The following ELMO1 variants were observed in gnomAD, a reference collection of about 807,000 sequenced individuals.
ELMO1 encodes engulfment and cell motility 1.
A neutral mutation model predicts 98.9 loss-of-function variants in ELMO1; 26 were observed. That is an observed-to-expected ratio of 0.26 (90% confidence interval 0.19 to 0.36). The LOEUF (loss-of-function observed/expected upper bound fraction) is 0.36. Ranked by LOEUF, ELMO1 falls within the 10% of genes least tolerant of loss-of-function variation. The pLI is 1.00. For missense variants in ELMO1, 627 were observed against 935.2 expected (o/e 0.67, Z 4.30); for synonymous variants, 346 against 346.0 (o/e 1.00, Z 0.00).
At chr7:37,292,221 A>C (rs1214593790) in intron 4 of ELMO1, among the ~76,000 whole-genome samples, 11 of 104,422 alleles carry the variant, frequency 1.1e-4, no homozygotes, top group Admixed American at 8.7e-4. Context: ...AGGTGCCGGG[A>C]TTGCAGACGG....
chr7:36,941,070 A>C (rs1267457020), intron 16 of ELMO1, among the ~76,000 whole-genome samples: 1 of 152,204 alleles, frequency 6.6e-6, no homozygotes, highest in Non-Finnish European at 1.5e-5. Context: ...TGAAATTCCA[A>C]GTTTGTTTCC....
At position 37,133,242 on chromosome 7, in the gene ELMO1, TAAAAC is replaced by T; in HGVS notation, c.1087-13_1087-9del. The T allele has an allele frequency of 6.3e-7, 1 of 1,597,132 alleles. No individual in the cohort carries two copies. The highest frequency in any genetic ancestry group is 8.6e-7 in the Non-Finnish European group (1 of 1,169,236). On this transcript the variant is annotated splice_polypyrimidine_tract_variant and intron_variant, in intron 13 of 21. Coordinates refer to ENST00000310758, the MANE Select transcript of ELMO1 (RefSeq NM_014800.11). Reference sequence around the variant, plus strand: ...GGCAGGGTTGACATGATTCTGTGAGTAAAACAAAATCATGATAAGGTGAATTCTTC... The same window carrying T: ...GGCAGGGTTGACATGATTCTGTGAGTAAAATCATGATAAGGTGAATTCTTC...
At chr7:37,409,087 C>A (rs1362226893) in intron 1 of ELMO1, among the ~76,000 whole-genome samples, 2 of 145,536 alleles carry the variant, frequency 1.4e-5, no homozygotes, top group African/African-American at 2.5e-5. Context: ...ACAATATCAG[C>A]AGAAAGGTGA....
intron 19 of ELMO1, among the ~76,000 whole-genome samples, chr7:36,875,369 C>T (rs1308860320): frequency 6.6e-6 from 1 of 152,158 alleles, no homozygotes; most frequent in African/African-American, 2.4e-5. Context: ...CTTACTAGTA[C>T]ACACACACTC....
At chr7:37,063,931 C>T (rs1199239411) in intron 15 of ELMO1, among the ~76,000 whole-genome samples, 1 of 152,148 alleles carries the variant, frequency 6.6e-6, no homozygotes, top group East Asian at 1.9e-4. Flanking sequence ...ATGCAGATTC[C>T]ACGGTCCATT....
intron 15 of ELMO1, among the ~76,000 whole-genome samples, chr7:37,038,159 T>C (rs1425200173): frequency 1.3e-5 from 2 of 152,164 alleles, no homozygotes; most frequent in African/African-American, 2.4e-5. Context: ...CCCGATCCCC[T>C]TGACAACAAC....
chr7:37,417,968 G>C (rs1352380045), intron 1 of ELMO1, among the ~76,000 whole-genome samples: 1 of 152,198 alleles, frequency 6.6e-6, no homozygotes, highest in Non-Finnish European at 1.5e-5. Context: ...GAAGCTGGAA[G>C]GGGCAAGGAA....
At chr7:37,028,226 C>T (rs1239546210) in intron 15 of ELMO1, among the ~76,000 whole-genome samples, 1 of 152,158 alleles carries the variant, frequency 6.6e-6, no homozygotes, top group African/African-American at 2.4e-5. Context: ...ACAGAATTCC[C>T]GGTATTTTGC....
intron 13 of ELMO1, among the ~76,000 whole-genome samples, chr7:37,169,370 A>G (rs1323600566): frequency 6.6e-6 from 1 of 151,988 alleles, no homozygotes; most frequent in African/African-American, 2.4e-5. Context: ...ACTGTCTGGC[A>G]CTCCCTAGTG....
chr7:37,216,780 G>T, intron 10 of ELMO1, 85 bp from the exon 11 acceptor site: 1 of 1,421,086 alleles, frequency 7.0e-7, no homozygotes, highest in Non-Finnish European at 9.9e-7. Context: ...ATCCTGGGGT[G>T]TGCTTCGTAA....
At chr7:37,022,750 T>C (rs755627356) in intron 15 of ELMO1, among the ~76,000 whole-genome samples, 1 of 152,216 alleles carries the variant, frequency 6.6e-6, no homozygotes, top group Non-Finnish European at 1.5e-5. Flanking sequence ...CAGAAATGCA[T>C]ACATACGCAT....
intron 13 of ELMO1, among the ~76,000 whole-genome samples, chr7:37,171,305 G>A (rs1034755450): frequency 6.6e-6 from 1 of 151,906 alleles, no homozygotes; most frequent in Non-Finnish European, 1.5e-5. Flanking sequence ...TAACTGGCTA[G>A]GTTTCTTTTT....
chr7:37,340,853 A>G (rs1800674826), intron 2 of ELMO1, among the ~76,000 whole-genome samples: 1 of 152,250 alleles, frequency 6.6e-6, no homozygotes, highest in Non-Finnish European at 1.5e-5. Flanking sequence ...GCTGTCTTAA[A>G]GCAGAGGTTC....
At chr7:37,222,860 A>T (rs759834735) in intron 9 of ELMO1, among the ~76,000 whole-genome samples, 167 bp from the exon 10 acceptor site, 8 of 152,206 alleles carry the variant, frequency 5.3e-5, no homozygotes, top group Non-Finnish European at 8.8e-5. Context: ...CATTTCAAAC[A>T]TCACAAGGTG....
chr7:37,391,713 C>T (rs1179343538), intron 1 of ELMO1, among the ~76,000 whole-genome samples: 1 of 152,180 alleles, frequency 6.6e-6, no homozygotes, highest in Admixed American at 6.5e-5. Context: ...ATTTCAGGAA[C>T]CTCTTCAGAA....
At chr7:37,063,399 A>G (rs1796770980) in intron 15 of ELMO1, among the ~76,000 whole-genome samples, 1 of 152,202 alleles carries the variant, frequency 6.6e-6, no homozygotes, top group Admixed American at 6.5e-5. Context: ...AGGAATCTAA[A>G]TCTTCAAAAT....
chr7:37,218,842 A>T (rs1242230728), intron 10 of ELMO1, among the ~76,000 whole-genome samples: 1 of 152,216 alleles, frequency 6.6e-6, no homozygotes, highest in African/African-American at 2.4e-5. Context: ...TAATTACAGG[A>T]ATCTTTCAAA....
At chr7:36,926,485 T>C (rs1027820180) in intron 16 of ELMO1, among the ~76,000 whole-genome samples, 2 of 152,124 alleles carry the variant, frequency 1.3e-5, no homozygotes, top group East Asian at 1.9e-4. Context: ...TAGAGTCCCA[T>C]GGGAGAAGTG....
chr7:37,116,137 T>G (rs1354615111), intron 14 of ELMO1, among the ~76,000 whole-genome samples: 2 of 152,166 alleles, frequency 1.3e-5, no homozygotes, highest in Non-Finnish European at 2.9e-5. Context: ...CCCAGAAACC[T>G]TTCCCCTTCA....
Sources: gnomAD v4.1 joint callset for allele counts (sites outside exome capture counted in the v4.1 genomes callset) on GRCh38, gnomAD v4.1.1 for gene constraint, MANE v1.5 for transcripts, NCBI Gene and HGNC (gene_info 2026-07-23, HGNC 2026-07-21) for gene names.